Variants in ARL13B observed in about 807,000 individuals in gnomAD.
The protein encoded by ARL13B is ADP-ribosylation factor-like protein 13B.
In ARL13B, 36 loss-of-function variants were observed where a neutral mutation model predicts 56.1. That is an observed-to-expected ratio of 0.64 (90% confidence interval 0.49 to 0.85). The LOEUF is 0.85. Ranked by LOEUF, ARL13B falls within the 40% of genes least tolerant of loss-of-function variation. The pLI, the probability that ARL13B is intolerant of heterozygous loss-of-function variation, is 0.00. For missense variants in ARL13B, 519 were observed against 507.1 expected (o/e 1.02, Z -0.23); for synonymous variants, 178 against 171.1 (o/e 1.04, Z -0.32).
At chr3:93,986,018 A>G (rs1201462263) in intron 1 of ARL13B, among the ~76,000 whole-genome samples, 1 of 152,200 alleles carries the variant, frequency 6.6e-6, no homozygotes, top group Non-Finnish European at 1.5e-5. Flanking sequence ...TAGACCATTT[A>G]TAGAAATTGC....
chr3:93,991,056 C>T (rs2075866914), intron 1 of ARL13B, among the ~76,000 whole-genome samples: 1 of 152,144 alleles, frequency 6.6e-6, no homozygotes, highest in Non-Finnish European at 1.5e-5. Context: ...GTCACTGTCA[C>T]TAGAGGTTGA....
intron 7 of ARL13B, among the ~76,000 whole-genome samples, chr3:94,046,181 G>C (rs1435707087): frequency 2.0e-5 from 3 of 151,658 alleles, no homozygotes; most frequent in African/African-American, 7.3e-5. Flanking sequence ...TTTGATATAT[G>C]TATACATATG....
intron 7 of ARL13B, among the ~76,000 whole-genome samples, chr3:94,048,697 T>C (rs772851362): frequency 6.6e-5 from 10 of 152,024 alleles, no homozygotes; most frequent in Non-Finnish European, 1.0e-4. Context: ...GCTCAAGTGA[T>C]CCTTCTGCCT....
rs1185711796 is a variant in ARL13B, at chr3:94,053,565, T to G, written c.*302T>G. On this transcript the variant is annotated 3_prime_UTR_variant, in exon 10 of 10. Transcript: ENST00000394222. ...CATGAGCATACTTCTGAAGGAAAAC[T>G]TTACAAAAAGAGCCAATGGACTCAG... is the stretch of plus-strand genomic sequence containing the variant. 1 of 535,064 alleles carries G rather than the reference T, an allele frequency of 1.9e-6. No homozygotes were observed. The highest frequency in any genetic ancestry group is 3.6e-6 in the Non-Finnish European group (1 of 280,390). The allele number at this position is 535,064 out of a possible 1,614,324, so 33.1% of individuals were successfully genotyped here.
At chr3:94,006,836 C>T (rs555710641) in intron 3 of ARL13B, among the ~76,000 whole-genome samples, 7 of 152,034 alleles carry the variant, frequency 4.6e-5, no homozygotes, top group South Asian at 2.1e-4. Flanking sequence ...AGAAATAATG[C>T]CTGGCATATA....
At chr3:94,000,715 T>A (rs989683200) in intron 2 of ARL13B, among the ~76,000 whole-genome samples, 14 of 152,150 alleles carry the variant, frequency 9.2e-5, no homozygotes, top group African/African-American at 3.4e-4. Flanking sequence ...AATCTTTGTA[T>A]TTCTAGAACC....
At chr3:94,043,910 G>A (rs549997345) in intron 7 of ARL13B, among the ~76,000 whole-genome samples, 4 of 151,036 alleles carry the variant, frequency 2.6e-5, no homozygotes, top group Admixed American at 6.6e-5. Context: ...CGCCCACCTC[G>A]GCCTCCCGAG....
intron 9 of ARL13B, among the ~76,000 whole-genome samples, chr3:94,052,099 A>G (rs2077075680): frequency 6.6e-6 from 1 of 152,092 alleles, no homozygotes. Context: ...TGTGTACGTT[A>G]GAATACATTG....
chr3:94,049,588 GAAAA>G (rs1238848167), intron 8 of ARL13B, 66 bp downstream of exon 8: 4 of 772,442 alleles, frequency 5.2e-6, no homozygotes, highest in Admixed American at 3.4e-5. Flanking sequence ...AAAAAAAAAA[GAAAA>G]AAGGAATCTT....
chr3:94,036,964 CT>C (rs1171242489), intron 5 of ARL13B, among the ~76,000 whole-genome samples: 1 of 152,128 alleles, frequency 6.6e-6, no homozygotes, highest in African/African-American at 2.4e-5. Flanking sequence ...GTTAAATTTA[CT>C]CCTTACGTAG....
Position 94,053,281 on chromosome 3 carries a change from G to C in ARL13B, c.*18G>C, listed in dbSNP as rs1238328203. 1 of 1,608,158 alleles carries C rather than the reference G, an allele frequency of 6.2e-7. No homozygotes were observed. The stretch of plus-strand genomic sequence containing the variant: ...TCTCATAAACAAGACGTATGGAGGA[G>C]TTCTCTTAATATCAGCAAGGTGAAC... On this transcript the variant is annotated 3_prime_UTR_variant, in exon 10 of 10. Coordinates refer to ENST00000394222, the MANE Select transcript of ARL13B (RefSeq NM_001174150.2).
Position 94,003,844 on chromosome 3 carries a change from G to A in ARL13B, c.316G>A (p.Glu106Lys), listed in dbSNP as rs1268721710. 1.9e-6 allele frequency: 3 copies of A among 1,613,578 alleles called. No individual in the cohort carries two copies. The highest frequency in any genetic ancestry group is 2.7e-5 in the African/African-American group (2 of 74,898). The change falls in exon 3 of 10, where the codon GAG becomes AAG. Residue 106 changes from glutamate to lysine, a missense_variant. By Grantham distance (56) the Glu-to-Lys change is moderately conservative. Coordinates refer to ENST00000394222, the MANE Select transcript of ARL13B (RefSeq NM_001174150.2). ...VDSSDEERME[E>K]TKEAMSEMLR... ...TTCCAGTGATGAAGAGAGAATGGAA[G>A]AGACAAAAGAGGCTATGTCAGAAAT... is the stretch of plus-strand genomic sequence containing the variant.
intron 7 of ARL13B, among the ~76,000 whole-genome samples, chr3:94,044,811 G>C (rs1414413501): frequency 6.7e-6 from 1 of 149,162 alleles, no homozygotes; most frequent in African/African-American, 2.5e-5. Context: ...CGCGCCGTCT[G>C]GGAAGTGGGG....
Position 94,036,574 on chromosome 3 carries a change from G to A in ARL13B, c.509G>A (p.Gly170Glu), listed in dbSNP as rs1370607603. 1 of 1,613,676 alleles carries A rather than the reference G, an allele frequency of 6.2e-7. No individual in the cohort carries two copies. Among genetic ancestry groups the A allele is most frequent in the South Asian group, 1.1e-5 (1 of 91,048 alleles). ...CQIEPCSAIS[G>E]YGKKIDKSIK... ...TAGGAACCATGTTCAGCAATCTCGGGGTATGGAAAGAAAATTGACAAGTCC... is the reference window on the plus strand; with the variant it reads ...TAGGAACCATGTTCAGCAATCTCGGAGTATGGAAAGAAAATTGACAAGTCC... Residue 170 changes from glycine to glutamate, a missense_variant, in exon 5 of 10, where the codon GGG becomes GAG. Gly to Glu is a moderately conservative substitution (Grantham distance 98). Coordinates refer to ENST00000394222, the MANE Select transcript of ARL13B (RefSeq NM_001174150.2).
chr3:94,041,276 A>G (rs1189925445), intron 6 of ARL13B, among the ~76,000 whole-genome samples: 2 of 152,192 alleles, frequency 1.3e-5, no homozygotes, highest in East Asian at 1.9e-4. Flanking sequence ...CTATTTATGT[A>G]TGAGCATTTT....
At position 94,054,403 on chromosome 3, in the gene ARL13B, G is replaced by C. The variant is rs759316487; in HGVS notation, c.*1140G>C. On this transcript the variant is annotated 3_prime_UTR_variant, in exon 10 of 10. Transcript: ENST00000394222. ...TTGCACTTAAGAATGGCATCCATAAGATTCTGTATTTGGCATTTAGACTAA... is the reference window on the plus strand; with the variant it reads ...TTGCACTTAAGAATGGCATCCATAACATTCTGTATTTGGCATTTAGACTAA... 1 of 393,852 alleles carries C rather than the reference G, an allele frequency of 2.5e-6. No individual in the cohort carries two copies. The highest frequency in any genetic ancestry group is 1.9e-5 in the South Asian group (1 of 52,254). 24.4% of individuals were successfully genotyped at this position (393,852 alleles called of 1,614,324 possible).
chr3:94,000,649 A>G (rs1468684904), intron 2 of ARL13B, among the ~76,000 whole-genome samples: 1 of 151,950 alleles, frequency 6.6e-6, no homozygotes, highest in Non-Finnish European at 1.5e-5. Context: ...ATATGTATAT[A>G]TATATATTTC....
intron 7 of ARL13B, among the ~76,000 whole-genome samples, chr3:94,044,036 C>T (rs1466923905): frequency 6.6e-6 from 1 of 152,106 alleles, no homozygotes; most frequent in Non-Finnish European, 1.5e-5. Context: ...CCTGCCTTGG[C>T]CTCCCAAAGT....
intron 1 of ARL13B, among the ~76,000 whole-genome samples, chr3:93,982,788 A>G (rs1710282325): frequency 6.6e-6 from 1 of 152,220 alleles, no homozygotes; most frequent in African/African-American, 2.4e-5. Flanking sequence ...TAGTGGCTGA[A>G]TAAATATTTG....
Sources: allele counts gnomAD v4.1 joint callset (sites outside exome capture counted in the v4.1 genomes callset), GRCh38; gene constraint gnomAD v4.1.1; transcripts MANE v1.5; gene names NCBI Gene and HGNC (gene_info 2026-07-23, HGNC 2026-07-21).